KIF13A: variants seen among roughly 807,000 people sequenced by gnomAD.
KIF13A encodes kinesin-like protein KIF13A.
In KIF13A, 79 loss-of-function variants were observed where a neutral mutation model predicts 212.2. The observed-to-expected ratio is 0.37, with a 90% CI of 0.31 to 0.45. KIF13A has a LOEUF of 0.45. Ranked by LOEUF, KIF13A falls within the 20% of genes least tolerant of loss-of-function variation. The pLI is 1.00. For missense variants in KIF13A, 1,901 were observed against 2,209.0 expected (o/e 0.86, Z 2.79); for synonymous variants, 789 against 808.6 (o/e 0.98, Z 0.41).
At position 17,794,731 on chromosome 6, in the gene KIF13A, G is replaced by A; in HGVS notation, c.2943-27C>T. The A allele has an allele frequency of 1.9e-6, 3 of 1,598,374 alleles. No homozygotes were observed. The highest frequency in any genetic ancestry group is 2.6e-6 in the Non-Finnish European group (3 of 1,175,336). On this transcript the variant is annotated intron_variant, in intron 23 of 38. Transcript: ENST00000259711. The surrounding 1 kb of genome is among the most constrained non-coding windows in gnomAD (Gnocchi z 4.1). ...TGCAGAAACACATTCCAACAAGCAA[G>A]AGCGTCATCGTCCAGGGATACTGTT...
rs1008312825 is a variant in KIF13A, at chr6:17,919,748, G to C, written c.147-21568C>G. Among the ~76,000 whole-genome samples the C allele has an allele frequency of 1.3e-5, 2 of 152,172 alleles. No individual in the cohort carries two copies. Among genetic ancestry groups the C allele is most frequent in the African/African-American group, 2.4e-5 (1 of 41,440 alleles). ...CGGTGTCTCCTGGCAGCCCAATACT[G>C]TGACAAGAGGTGAAAGCTGAGGGCA... is the stretch of plus-strand genomic sequence containing the variant. On this transcript the variant is annotated intron_variant, in intron 2 of 38. Coordinates refer to ENST00000259711, the MANE Select transcript of KIF13A (RefSeq NM_022113.6). The surrounding 1 kb of genome is among the most constrained non-coding windows in gnomAD (Gnocchi z 4.1).
Position 17,816,334 on chromosome 6 carries a change from G to C in KIF13A, c.2000+686C>G, listed in dbSNP as rs1318830726. ...CCCTCCCTCCTAAGCCTCCCAAGTA[G>C]CTGGGATTATAGGCACCAGCTACCA... On this transcript the variant is annotated intron_variant, in intron 17 of 38. Coordinates refer to ENST00000259711, the MANE Select transcript of KIF13A (RefSeq NM_022113.6). This position sits in a 1 kb window ranked among gnomAD's most constrained non-coding sequence, Gnocchi z 4.3. Among the ~76,000 whole-genome samples, 1 of 152,146 alleles carries C rather than the reference G, an allele frequency of 6.6e-6. No individual in the cohort carries two copies. Among genetic ancestry groups the C allele is most frequent in the African/African-American group, 2.4e-5 (1 of 41,438 alleles).
intron 3 of KIF13A, among the ~76,000 whole-genome samples, chr6:17,889,201 A>G (rs1771818373): frequency 6.6e-6 from 1 of 152,204 alleles, no homozygotes; most frequent in African/African-American, 2.4e-5. Flanking sequence ...TTTTCTGAGC[A>G]ATTTTCATAA....
In KIF13A at chr6:17,764,902, C is replaced by T; in HGVS notation, c.4626G>A (p.Lys1542=). 1.9e-6 allele frequency: 3 copies of T among 1,613,462 alleles called. No homozygotes were observed. Among genetic ancestry groups the T allele is most frequent in the Admixed American group, 1.7e-5 (1 of 59,946 alleles). The change falls in exon 39 of 39, where the codon AAG becomes AAA. Residue 1542 remains lysine, a synonymous_variant. Transcript: ENST00000259711. This position sits in a 1 kb window ranked among gnomAD's most constrained non-coding sequence, Gnocchi z 5.1. ...EENELEAINR[K]LISSQPYVPV... is the part of the protein sequence containing the mutation. ...GTACATAAGGCTGTGAACTTATTAG[C>T]TTCCTGTTAATAGCTTCCAGCTCAT... is the stretch of plus-strand genomic sequence containing the variant.
chr6:17,774,103 G>T lies in KIF13A; in HGVS notation c.4219-520C>A, dbSNP rs148946617. Among the ~76,000 whole-genome samples, 206 of 152,278 alleles carry T rather than the reference G, an allele frequency of 1.4e-3. 2 individuals carry two copies. The highest frequency in any genetic ancestry group is 3.9e-3 in the African/African-American group (161 of 41,552). On this transcript the variant is annotated intron_variant, in intron 35 of 38. Transcript: ENST00000259711. The stretch of plus-strand genomic sequence containing the variant: ...TATTGGTATACAAAACAGAGAAAAC[G>T]CTGGCATATCATACGAGCTTACTTA...
At chr6:17,833,353 G>A (rs1765626369) in intron 12 of KIF13A, among the ~76,000 whole-genome samples, 1 of 151,858 alleles carries the variant, frequency 6.6e-6, no homozygotes, top group African/African-American at 2.4e-5. Flanking sequence ...AAATTAGCTG[G>A]GCATGGTAGC....
chr6:17,897,539 C>T lies in KIF13A; in HGVS notation c.159+629G>A, dbSNP rs373965679. On this transcript the variant is annotated intron_variant, in intron 3 of 38. Coordinates refer to ENST00000259711, the MANE Select transcript of KIF13A (RefSeq NM_022113.6). This position sits in a 1 kb window ranked among gnomAD's most constrained non-coding sequence, Gnocchi z 4.8. The stretch of plus-strand genomic sequence containing the variant: ...CTCTAACTATTCTCTAACTTCTGGC[C>T]TTCTCACTGGTAAAAATGCCATCAA... Among the ~76,000 whole-genome samples, 2 of 152,300 alleles carry T rather than the reference C, an allele frequency of 1.3e-5. No individual in the cohort carries two copies. Among genetic ancestry groups the T allele is most frequent in the East Asian group, 3.9e-4 (2 of 5,188 alleles).
rs556367555 is a variant in KIF13A at position 17,918,794 on chromosome 6, C to T, written c.147-20614G>A. 6.6e-6 allele frequency among the ~76,000 whole-genome samples: 1 copy of T among 152,262 alleles called. No homozygotes were observed. The highest frequency in any genetic ancestry group is 6.5e-5 in the Admixed American group (1 of 15,296). ...TTGAGGCTGCCTGCACCACCTCCAT[C>T]CCACCTGCATCCTGCTTGGCCCTGT... On this transcript the variant is annotated intron_variant, in intron 2 of 38. Transcript: ENST00000259711. This position sits in a 1 kb window ranked among gnomAD's most constrained non-coding sequence, Gnocchi z 4.8.
rs1318513240 is a variant in KIF13A at position 17,829,678 on chromosome 6, T to TA, written c.1402-1309dup. ...ATACCTCCCTATTTGACAGAGAAAG[T>TA]ATAAGGATTGGTCTTTCAAAATCAG... is the stretch of plus-strand genomic sequence containing the variant. On this transcript the variant is annotated intron_variant, in intron 13 of 38. Transcript: ENST00000259711. The surrounding 1 kb of genome is among the most constrained non-coding windows in gnomAD (Gnocchi z 5.4). 6.6e-6 allele frequency among the ~76,000 whole-genome samples: 1 copy of TA among 152,178 alleles called. No homozygotes were observed. The highest frequency in any genetic ancestry group is 1.5e-5 in the Non-Finnish European group (1 of 68,028).
intron 4 of KIF13A, among the ~76,000 whole-genome samples, chr6:17,864,376 C>T (rs1010183501): frequency 6.6e-6 from 1 of 152,312 alleles, no homozygotes; most frequent in Non-Finnish European, 1.5e-5. Context: ...CACAGGCATG[C>T]CCAAAGTAAC....
rs1774745407 is a variant in KIF13A at position 17,918,484 on chromosome 6, TG to T, written c.147-20305del. 6.6e-6 allele frequency among the ~76,000 whole-genome samples: 1 copy of T among 152,168 alleles called. No individual in the cohort carries two copies. The highest frequency in any genetic ancestry group is 1.9e-4 in the East Asian group (1 of 5,204). ...TAATTTGGAGTCCTTTTCACAGGAA[TG>T]TGTTGCTGGTTTATTTACTGGATTA... is the stretch of plus-strand genomic sequence containing the variant. On this transcript the variant is annotated intron_variant, in intron 2 of 38. Transcript: ENST00000259711. The surrounding 1 kb of genome is among the most constrained non-coding windows in gnomAD (Gnocchi z 4.8).
chr6:17,889,241 T>C (rs1466175796), intron 3 of KIF13A, among the ~76,000 whole-genome samples: 1 of 152,258 alleles, frequency 6.6e-6, no homozygotes, highest in East Asian at 1.9e-4. Flanking sequence ...ATCTGTGTGC[T>C]TCTTCAAATG....
intron 32 of KIF13A, among the ~76,000 whole-genome samples, 156 bp from the exon 33 acceptor site, chr6:17,779,255 ATATTTTTTTTTTTTTTTT>A (rs1435409874): frequency 2.6e-3 from 26 of 9,882 alleles, no homozygotes; most frequent in African/African-American, 0.01. Flanking sequence ...ATATATATAT[ATATTTTTTTTTTTTTTTT>A]TTTTTTTTTT....
chr6:17,828,155 G>A lies in KIF13A; in HGVS notation c.1532+85C>T. 1.1e-5 allele frequency: 16 copies of A among 1,404,706 alleles called. No homozygotes were observed. Among genetic ancestry groups the A allele is most frequent in the Non-Finnish European group, 1.5e-5 (15 of 1,033,386 alleles). The allele number at this position is 1,404,706 out of a possible 1,614,324, so 87.0% of individuals were successfully genotyped here. ...CCCATGTATCCTTAACTTTAATATAGCTGAAAGCAAACAGAAAGAGGCAGC... is the reference window on the plus strand; with the variant it reads ...CCCATGTATCCTTAACTTTAATATAACTGAAAGCAAACAGAAAGAGGCAGC... On this transcript the variant is annotated intron_variant, in intron 14 of 38. Coordinates refer to ENST00000259711, the MANE Select transcript of KIF13A (RefSeq NM_022113.6). The surrounding 1 kb of genome is among the most constrained non-coding windows in gnomAD (Gnocchi z 4.3).
rs1275064229 is a variant in KIF13A, at chr6:17,794,158, C to G, written c.3222+91G>C. 19 of 988,098 alleles carry G rather than the reference C, an allele frequency of 1.9e-5. No homozygotes were observed. Among genetic ancestry groups the G allele is most frequent in the Non-Finnish European group, 2.6e-5 (17 of 664,412 alleles). The allele number at this position is 988,098 out of a possible 1,614,324, so 61.2% of individuals were successfully genotyped here. On this transcript the variant is annotated intron_variant, in intron 25 of 38. Transcript: ENST00000259711. The surrounding 1 kb of genome is among the most constrained non-coding windows in gnomAD (Gnocchi z 4.1). Reference sequence around the variant, plus strand: ...ACTGGGGGAAGATCTACGGTTAAGGCAAAGAGTTCTGTTATATTGGCAAAG... The same window carrying G: ...ACTGGGGGAAGATCTACGGTTAAGGGAAAGAGTTCTGTTATATTGGCAAAG...
intron 7 of KIF13A, among the ~76,000 whole-genome samples, chr6:17,851,322 C>G (rs1316219619): frequency 1.3e-5 from 2 of 152,184 alleles, no homozygotes; most frequent in Non-Finnish European, 2.9e-5. Context: ...ATGGGCCAGC[C>G]ACATCCCACA....
At chr6:17,846,238 G>A (rs1188260779) in intron 9 of KIF13A, among the ~76,000 whole-genome samples, 1 of 151,678 alleles carries the variant, frequency 6.6e-6, no homozygotes, top group African/African-American at 2.4e-5. Context: ...CTACAGGGGT[G>A]AGCCACTGCA....
chr6:17,826,211 T>G lies in KIF13A; in HGVS notation c.1533-87A>C, dbSNP rs1022041759. 7 of 940,658 alleles carry G rather than the reference T, an allele frequency of 7.4e-6. No homozygotes were observed. The highest frequency in any genetic ancestry group is 1.6e-5 in the African/African-American group (1 of 60,818). 58.3% of individuals were successfully genotyped at this position (940,658 alleles called of 1,614,324 possible). A position where few individuals can be genotyped will look rare whatever the true frequency, so the allele number is the denominator to read the frequency against. The stretch of plus-strand genomic sequence containing the variant: ...AGCCAAAGAGATAACTAGGGGAGCT[T>G]TCTCTTAATAAATGCATTCCAACTA... On this transcript the variant is annotated intron_variant, in intron 14 of 38. Transcript: ENST00000259711. This position sits in a 1 kb window ranked among gnomAD's most constrained non-coding sequence, Gnocchi z 4.7.
chr6:17,927,871 G>A (rs1775620885), intron 2 of KIF13A, among the ~76,000 whole-genome samples: 2 of 152,162 alleles, frequency 1.3e-5, no homozygotes, highest in Non-Finnish European at 2.9e-5. Context: ...CTTGGCGTGA[G>A]CCCGTGCAGC....
Sources: gnomAD v4.1 joint callset for allele counts (sites outside exome capture counted in the v4.1 genomes callset) on GRCh38, gnomAD v4.1.1 for gene constraint, Gnocchi (gnomAD v3.1) non-coding constraint, MANE v1.5 for transcripts, NCBI Gene and HGNC (gene_info 2026-07-23, HGNC 2026-07-21) for gene names.